GPC6: variants seen among roughly 807,000 people sequenced by gnomAD.
GPC6 encodes glypican 6, also known as glypican-6.
In GPC6, 14 loss-of-function variants were observed where a neutral mutation model predicts 55.2. The ratio of observed to expected loss-of-function variants is 0.25; its 90% CI spans 0.17 to 0.40. The LOEUF is 0.40. Among genes scored for constraint, GPC6 ranks in the 10% least tolerant of loss-of-function variants. The pLI is 1.00. For synonymous variants in GPC6, 278 were observed against 259.6 expected, an observed-to-expected ratio of 1.07 and a Z score of -0.68; for missense variants, 641 against 708.5, an observed-to-expected ratio of 0.90 and a Z score of 1.08.
intron 2 of GPC6, among the ~76,000 whole-genome samples, chr13:93,816,341 T>G (rs773548195): frequency 6.6e-6 from 1 of 152,204 alleles, no homozygotes; most frequent in Non-Finnish European, 1.5e-5. Flanking sequence ...ACTATTATTT[T>G]ATAGACAGCA....
intron 6 of GPC6, among the ~76,000 whole-genome samples, chr13:94,324,204 GCA>G (rs1484197938): frequency 6.7e-6 from 1 of 148,864 alleles, no homozygotes; most frequent in African/African-American, 2.6e-5. Flanking sequence ...AGGAATGATG[GCA>G]CACAGAGAGG....
At chr13:94,032,504 G>C (rs1050479000) in intron 4 of GPC6, among the ~76,000 whole-genome samples, 1 of 152,142 alleles carries the variant, frequency 6.6e-6, no homozygotes, top group South Asian at 2.1e-4. Flanking sequence ...TTTGTTTCCC[G>C]TATCACTCTC....
intron 2 of GPC6, among the ~76,000 whole-genome samples, chr13:93,578,827 T>C (rs186999384): frequency 6.6e-6 from 1 of 152,206 alleles, no homozygotes; most frequent in Non-Finnish European, 1.5e-5. Context: ...TTTATTGTTA[T>C]AAACTTCCCT....
chr13:93,828,715 A>AAT (rs560847866), intron 2 of GPC6, among the ~76,000 whole-genome samples: 20 of 152,080 alleles, frequency 1.3e-4, no homozygotes, highest in Non-Finnish European at 2.2e-4. Context: ...TCTATTTAAA[A>AAT]ATATATATAT....
intron 6 of GPC6, among the ~76,000 whole-genome samples, chr13:94,354,118 C>T (rs1023390527): frequency 2.6e-5 from 4 of 152,132 alleles, no homozygotes; most frequent in African/African-American, 4.8e-5. Context: ...TGCTTAGCTT[C>T]GGAGGCATCT....
chr13:93,876,234 A>G (rs553001771), intron 3 of GPC6, among the ~76,000 whole-genome samples: 6 of 152,088 alleles, frequency 3.9e-5, no homozygotes, highest in African/African-American at 1.4e-4. Context: ...TAAATGAAGC[A>G]TTTATTATAT....
At chr13:93,364,440 T>C (rs1017214743) in intron 1 of GPC6, among the ~76,000 whole-genome samples, 4 of 152,020 alleles carry the variant, frequency 2.6e-5, no homozygotes, top group Non-Finnish European at 5.9e-5. Context: ...TGTTTTCACC[T>C]TTCATGAAGG....
intron 3 of GPC6, among the ~76,000 whole-genome samples, chr13:93,912,133 G>T (rs1317794522): frequency 6.6e-6 from 1 of 152,150 alleles, no homozygotes; most frequent in Non-Finnish European, 1.5e-5. Context: ...CTTGCATTAA[G>T]CCTCATTCTG....
intron 2 of GPC6, among the ~76,000 whole-genome samples, chr13:93,767,576 A>G (rs774401408): frequency 6.6e-5 from 10 of 152,146 alleles, no homozygotes; most frequent in Non-Finnish European, 1.2e-4. Flanking sequence ...TTGAGCCTTT[A>G]TTTTTACAAG....
At chr13:93,420,813 A>G (rs574081568) in intron 1 of GPC6, among the ~76,000 whole-genome samples, 1 of 152,142 alleles carries the variant, frequency 6.6e-6, no homozygotes, top group Non-Finnish European at 1.5e-5. Flanking sequence ...TACCATGGTT[A>G]TTAAGGTAAG....
Position 93,226,875 on chromosome 13 carries a change from C to T in GPC6, c.-582C>T, listed in dbSNP as rs1875804474. On this transcript the variant is annotated 5_prime_UTR_variant, in exon 1 of 9. Coordinates refer to ENST00000377047, the MANE Select transcript of GPC6 (RefSeq NM_005708.5). The stretch of plus-strand genomic sequence containing the variant: ...TCTCTCTTCCTATTTCAGGAGGACT[C>T]TCACAGGCTCCCACAGCCTGTGTTA... 1 of 152,698 alleles carries T rather than the reference C, an allele frequency of 6.5e-6. No individual in the cohort carries two copies. Among genetic ancestry groups the T allele is most frequent in the East Asian group, 1.9e-4 (1 of 5,134 alleles). The allele number at this position is 152,698 out of a possible 1,614,324, so 9.5% of individuals were successfully genotyped here.
chr13:93,731,126 T>G (rs1883805423), intron 2 of GPC6, among the ~76,000 whole-genome samples: 1 of 152,058 alleles, frequency 6.6e-6, no homozygotes, highest in Non-Finnish European at 1.5e-5. Flanking sequence ...TACCGAAGAT[T>G]GTAGGGGTGC....
rs138954305 is a variant in GPC6 at position 93,890,435 on chromosome 13, C to G, written c.711+59890C>G. Among the ~76,000 whole-genome samples the G allele has an allele frequency of 5.0e-4, 76 of 152,022 alleles. 1 individual carries two copies. The highest frequency in any genetic ancestry group is 4.3e-3 in the Admixed American group (66 of 15,230). On this transcript the variant is annotated intron_variant, in intron 3 of 8. Transcript: ENST00000377047. The stretch of plus-strand genomic sequence containing the variant: ...TTTACTGTAATCAATAAGTATTTGT[C>G]GATGGATGGGTGACTGGGTTTATGG...
At chr13:94,383,400 C>G (rs1880263961) in intron 7 of GPC6, among the ~76,000 whole-genome samples, 1 of 152,116 alleles carries the variant, frequency 6.6e-6, no homozygotes, top group Non-Finnish European at 1.5e-5. Context: ...TGAGCAGTTT[C>G]AAGCATATGA....
Position 94,270,931 on chromosome 13 carries a change from A to G in GPC6, c.878-15418A>G, listed in dbSNP as rs530262157. Among the ~76,000 whole-genome samples the G allele has an allele frequency of 4.3e-5, 6 of 138,028 alleles. No individual in the cohort carries two copies. The East Asian group carries it at 1.1e-3, about 26-fold the overall frequency. 90.6% of individuals were successfully genotyped at this position (138,028 alleles called of 152,430 possible). A position where few individuals can be genotyped will look rare whatever the true frequency, so the allele number is the denominator to read the frequency against. ...CCAGGGGCACTTGTTTGTTTAATGC[A>G]GCCTTATAAAGGACCAGAGACAGAG... On this transcript the variant is annotated intron_variant, in intron 4 of 8. Coordinates refer to ENST00000377047, the MANE Select transcript of GPC6 (RefSeq NM_005708.5).
intron 3 of GPC6, among the ~76,000 whole-genome samples, chr13:93,967,414 C>A (rs1880097417): frequency 6.6e-6 from 1 of 152,210 alleles, no homozygotes; most frequent in African/African-American, 2.4e-5. Context: ...TGTTTCCCAG[C>A]ACCAAATATG....
intron 2 of GPC6, among the ~76,000 whole-genome samples, chr13:93,648,353 G>A (rs928937088): frequency 6.6e-6 from 1 of 152,074 alleles, no homozygotes; most frequent in Non-Finnish European, 1.5e-5. Flanking sequence ...TTTGAGTGTT[G>A]AATTTGCCAA....
intron 1 of GPC6, among the ~76,000 whole-genome samples, chr13:93,244,326 C>T (rs1220975441): frequency 1.3e-5 from 2 of 152,176 alleles, no homozygotes; most frequent in African/African-American, 2.4e-5. Flanking sequence ...CAAGACTTCC[C>T]CCGCAAGACA....
chr13:93,710,120 A>T (rs979009679), intron 2 of GPC6, among the ~76,000 whole-genome samples: 3 of 151,806 alleles, frequency 2.0e-5, no homozygotes, highest in Non-Finnish European at 4.4e-5. Flanking sequence ...AAATAGGAAG[A>T]TCCTTTTGGT....
Sources: allele counts gnomAD v4.1 joint callset (sites outside exome capture counted in the v4.1 genomes callset), GRCh38; gene constraint gnomAD v4.1.1; transcripts MANE v1.5; gene names NCBI Gene and HGNC (gene_info 2026-07-23, HGNC 2026-07-21).